The following STIMATE variants were observed in gnomAD, a reference collection of about 807,000 sequenced individuals.
STIMATE encodes STIM activating enhancer, also known as store-operated calcium entry regulator STIMATE.
Under a neutral mutation model 36.7 loss-of-function variants are expected in STIMATE, and 15 were observed. That is an observed-to-expected ratio of 0.41 (90% CI 0.27 to 0.63). The LOEUF (loss-of-function observed/expected upper bound fraction) is 0.63. STIMATE is among the 20% of genes least tolerant of loss of function. The probability of loss-of-function intolerance (pLI) is 0.32; values close to 1 mark genes in which losing one functional copy is unlikely to be tolerated. For synonymous variants in STIMATE, 163 were observed against 162.3 expected (o/e 1.00, Z -0.03); for missense variants, 305 against 397.3 (o/e 0.77, Z 1.98).
chr3:52,851,178 A>C (rs903675376), intron 3 of STIMATE, among the ~76,000 whole-genome samples: 3 of 152,196 alleles, frequency 2.0e-5, no homozygotes, highest in African/African-American at 7.2e-5. Flanking sequence ...CTCACCAAAG[A>C]AAGGCCCTTT....
At chr3:52,873,044 G>A (rs569947374) in intron 1 of STIMATE, among the ~76,000 whole-genome samples, 1 of 152,360 alleles carries the variant, frequency 6.6e-6, no homozygotes, top group East Asian at 1.9e-4. Context: ...AGTTTAGCCA[G>A]CTTTAATCCT....
intron 7 of STIMATE, among the ~76,000 whole-genome samples, chr3:52,841,510 GA>G (rs761415205): frequency 1.3e-5 from 2 of 152,220 alleles, no homozygotes; most frequent in Non-Finnish European, 2.9e-5. Flanking sequence ...GAATACCAGG[GA>G]AAGGTTGGAA....
rs73839525 is a variant in STIMATE, at chr3:52,850,015, G to A, written c.306-102C>T. 2,379 of 1,461,816 alleles carry A rather than the reference G, an allele frequency of 1.6e-3. 38 individuals are homozygous for A. In the African/African-American group the frequency reaches 0.031, roughly 19 times the overall value. 90.6% of individuals were successfully genotyped at this position (1,461,816 alleles called of 1,614,324 possible). Reference sequence around the variant, plus strand: ...AGGGAAGCGGATGGACCCAGCATTTGTTTGGGCCCATTCTGGGGGCTGGGA... The same window carrying A: ...AGGGAAGCGGATGGACCCAGCATTTATTTGGGCCCATTCTGGGGGCTGGGA... On this transcript the variant is annotated intron_variant, in intron 3 of 7. Coordinates refer to ENST00000355083, the MANE Select transcript of STIMATE (RefSeq NM_198563.5).
intron 1 of STIMATE, among the ~76,000 whole-genome samples, chr3:52,865,518 A>AC (rs1201901883): frequency 5.3e-5 from 8 of 152,238 alleles, no homozygotes; most frequent in Non-Finnish European, 1.2e-4. Flanking sequence ...GGCACTTTTT[A>AC]TATGGCGGCG....
At chr3:52,845,210 T>A (rs1270991015) in intron 4 of STIMATE, among the ~76,000 whole-genome samples, 4 of 152,242 alleles carry the variant, frequency 2.6e-5, no homozygotes, top group Non-Finnish European at 4.4e-5. Flanking sequence ...GCACTAAAGT[T>A]AGGAAGTGCT....
chr3:52,874,237 G>T (rs1479328986), intron 1 of STIMATE, among the ~76,000 whole-genome samples: 1 of 152,156 alleles, frequency 6.6e-6, no homozygotes, highest in African/African-American at 2.4e-5. Context: ...CTTACAATGC[G>T]TGAGTTTTAT....
At chr3:52,896,066 C>T in intron 1 of STIMATE, 2 of 602,940 alleles carry the variant, frequency 3.3e-6, no homozygotes, top group Non-Finnish European at 5.5e-6. Flanking sequence ...TAAGACTTAT[C>T]AAGGACAGGC....
chr3:52,890,245 G>A (rs1053275138), intron 1 of STIMATE, among the ~76,000 whole-genome samples: 1 of 152,192 alleles, frequency 6.6e-6, no homozygotes, highest in African/African-American at 2.4e-5. Flanking sequence ...TCAGCTCTTC[G>A]TCAAGGAAAC....
At chr3:52,862,143 TG>T (rs1701228027) in intron 1 of STIMATE, among the ~76,000 whole-genome samples, 1 of 152,214 alleles carries the variant, frequency 6.6e-6, no homozygotes, top group African/African-American at 2.4e-5. Context: ...CTGCATAGAA[TG>T]GAAGTGTCCT....
In STIMATE at chr3:52,852,727, T is replaced by C. The variant is rs751294819; in HGVS notation, c.210-29A>G. ...TACAAAATAAACCAGCACTGGTTAT[T>C]AGCCTGACAGGAGCGCAATATCCAA... is the stretch of plus-strand genomic sequence containing the variant. On this transcript the variant is annotated intron_variant, in intron 2 of 7. Transcript: ENST00000355083. 4 of 1,610,760 alleles carry C rather than the reference T, an allele frequency of 2.5e-6. No individual in the cohort carries two copies. The South Asian group carries it at 4.4e-5, about 18-fold the overall frequency.
At chr3:52,866,843 G>A (rs1159350826) in intron 1 of STIMATE, among the ~76,000 whole-genome samples, 2 of 152,228 alleles carry the variant, frequency 1.3e-5, no homozygotes, top group Admixed American at 6.5e-5. Context: ...TAATTTCCAG[G>A]TAGCAGCTGC....
At chr3:52,863,991 G>A (rs889706202) in intron 1 of STIMATE, among the ~76,000 whole-genome samples, 11 of 152,244 alleles carry the variant, frequency 7.2e-5, no homozygotes, top group African/African-American at 1.7e-4. Context: ...ATGCGCTGGC[G>A]TTGAGTGTCT....
At chr3:52,847,624 C>G in intron 4 of STIMATE, 8 of 1,127,798 alleles carry the variant, frequency 7.1e-6, no homozygotes, top group Non-Finnish European at 9.5e-6. Flanking sequence ...GCTGTGGTAC[C>G]TCTTCCTCAA....
At chr3:52,888,082 A>T (rs923046260) in intron 1 of STIMATE, among the ~76,000 whole-genome samples, 4 of 129,392 alleles carry the variant, frequency 3.1e-5, no homozygotes, top group Admixed American at 9.4e-5. Flanking sequence ...AGGGCTCTTG[A>T]CAGAAAAAAA....
chr3:52,878,887 T>C (rs887343836), intron 1 of STIMATE, among the ~76,000 whole-genome samples: 8 of 152,162 alleles, frequency 5.3e-5, no homozygotes, highest in African/African-American at 1.7e-4. Flanking sequence ...GCCAATAGCA[T>C]GGCAGATGAG....
intron 2 of STIMATE, among the ~76,000 whole-genome samples, chr3:52,854,935 G>C (rs1277217287): frequency 6.6e-6 from 1 of 152,240 alleles, no homozygotes; most frequent in Non-Finnish European, 1.5e-5. Flanking sequence ...GAAGTATTTT[G>C]AGTAGAGAAA....
chr3:52,851,351 C>T (rs1454991318), intron 3 of STIMATE, among the ~76,000 whole-genome samples: 3 of 152,348 alleles, frequency 2.0e-5, no homozygotes, highest in East Asian at 3.9e-4. Context: ...AGGTAAGCTG[C>T]AGGACACCAC....
At chr3:52,895,821 A>G (rs1204395611) in intron 1 of STIMATE, 8 of 1,181,344 alleles carry the variant, frequency 6.8e-6, no homozygotes, top group Non-Finnish European at 7.8e-6. Context: ...TCCTTCAGAG[A>G]GAAAGGAAGG....
Position 52,842,944 on chromosome 3 carries a change from AC to A in STIMATE, c.634del (p.Val212Ter). 1 of 1,614,044 alleles carries A rather than the reference AC, an allele frequency of 6.2e-7. No homozygotes were observed. Among genetic ancestry groups the A allele is most frequent in the Non-Finnish European group, 8.5e-7 (1 of 1,180,002 alleles). On this transcript the variant is annotated frameshift_variant, in exon 7 of 8. Transcript: ENST00000355083. LOFTEE classifies it high-confidence loss of function. ...PFFVNALMFW[V>X]VDNFLMRKGK... Reference sequence around the variant, plus strand: ...CTTTCTCATGAGGAAATTGTCCACTACCCAAAACATCAAAGCCTGTGGGAAG... The same window carrying A: ...CTTTCTCATGAGGAAATTGTCCACTACCAAAACATCAAAGCCTGTGGGAAG...
Sources: allele counts gnomAD v4.1 joint callset (sites outside exome capture counted in the v4.1 genomes callset), GRCh38; gene constraint gnomAD v4.1.1; transcripts MANE v1.5; gene names NCBI Gene and HGNC (gene_info 2026-07-23, HGNC 2026-07-21).